The following SNAP23 variants were observed in gnomAD, a reference collection of about 807,000 sequenced individuals.
SNAP23 encodes synaptosome associated protein 23.
Under a neutral mutation model 29.0 loss-of-function variants are expected in SNAP23, and 11 were observed. That is an observed-to-expected ratio of 0.38 (90% CI 0.24 to 0.63). SNAP23 has a LOEUF of 0.63. Ranked by LOEUF, SNAP23 falls within the 20% of genes least tolerant of loss-of-function variation. The probability of loss-of-function intolerance (pLI) is 0.58; values close to 1 mark genes in which losing one functional copy is unlikely to be tolerated. For missense variants in SNAP23, 220 were observed against 253.9 expected (o/e 0.87, Z 0.91); for synonymous variants, 60 against 82.9 (o/e 0.72, Z 1.50).
chr15:42,516,113 A>G (rs1405043969), intron 5 of SNAP23, among the ~76,000 whole-genome samples: 1 of 152,244 alleles, frequency 6.6e-6, no homozygotes, highest in Non-Finnish European at 1.5e-5. Flanking sequence ...GGAGTGGAGT[A>G]TAAAAAGAAA....
At chr15:42,500,107 G>C (rs2057255808) in intron 1 of SNAP23, among the ~76,000 whole-genome samples, 1 of 152,022 alleles carries the variant, frequency 6.6e-6, no homozygotes, top group African/African-American at 2.4e-5. Flanking sequence ...TAACAAAAAG[G>C]AAAAAGAGGA....
chr15:42,513,699 A>G (rs2057375934), intron 4 of SNAP23, among the ~76,000 whole-genome samples: 1 of 152,194 alleles, frequency 6.6e-6, no homozygotes, highest in African/African-American at 2.4e-5. Context: ...TGTATTGGTT[A>G]TATGTGCCTT....
At chr15:42,496,883 G>C (rs1004058407) in intron 1 of SNAP23, among the ~76,000 whole-genome samples, 11 of 152,130 alleles carry the variant, frequency 7.2e-5, no homozygotes, top group African/African-American at 2.4e-4. Flanking sequence ...TGGCAGGAGA[G>C]AGACAGTGAA....
intron 1 of SNAP23, among the ~76,000 whole-genome samples, chr15:42,502,167 A>C (rs2057276894): frequency 6.6e-6 from 1 of 151,494 alleles, no homozygotes; most frequent in South Asian, 2.1e-4. Context: ...AGCTGGGACT[A>C]CAGGCGCCCA....
chr15:42,528,483 G>A (rs1358362277), intron 6 of SNAP23, 63 bp downstream of exon 6: 10 of 1,507,014 alleles, frequency 6.6e-6, no homozygotes, highest in Middle Eastern at 1.7e-4. Flanking sequence ...TAGGAGATGA[G>A]TTTAGCAGTA....
chr15:42,531,567 C>G lies in SNAP23; in HGVS notation c.*89C>G. The G allele has an allele frequency of 1.0e-6, 1 of 953,338 alleles. No individual in the cohort carries two copies. Among genetic ancestry groups the G allele is most frequent in the Non-Finnish European group, 1.6e-6 (1 of 623,006 alleles). 59.1% of individuals were successfully genotyped at this position (953,338 alleles called of 1,614,324 possible). The stretch of plus-strand genomic sequence containing the variant: ...TTTTCAGAGTTTAAGTTTTCGGTTC[C>G]ACGCTCTTCTAATTGGGAGATAATA... On this transcript the variant is annotated 3_prime_UTR_variant, in exon 8 of 8. Transcript: ENST00000249647.
At chr15:42,503,906 G>GA (rs955628791) in intron 1 of SNAP23, among the ~76,000 whole-genome samples, 1 of 151,950 alleles carries the variant, frequency 6.6e-6, no homozygotes, top group Non-Finnish European at 1.5e-5. Flanking sequence ...TTTAAAAAGA[G>GA]AAAAAAATAT....
intron 3 of SNAP23, 72 bp downstream of exon 3, chr15:42,513,068 T>C: frequency 9.1e-7 from 1 of 1,104,778 alleles, no homozygotes; most frequent in East Asian, 2.4e-5. Context: ...TGGCTGGAAT[T>C]AGTATTAAAG....
intron 7 of SNAP23, among the ~76,000 whole-genome samples, chr15:42,531,121 T>C (rs2057560776): frequency 6.6e-6 from 1 of 152,220 alleles, no homozygotes; most frequent in Non-Finnish European, 1.5e-5. Flanking sequence ...AAAAATGCCA[T>C]TGATTACAGG....
chr15:42,495,172 C>G (rs2057206067), upstream of SNAP23: 1 of 152,190 alleles, frequency 6.6e-6, no homozygotes, highest in Non-Finnish European at 1.5e-5. Flanking sequence ...GGGGGAACTC[C>G]TACTTATCCT....
At chr15:42,519,475 G>A (rs1237287045) in intron 5 of SNAP23, among the ~76,000 whole-genome samples, 1 of 151,070 alleles carries the variant, frequency 6.6e-6, no homozygotes, top group East Asian at 1.9e-4. Flanking sequence ...GGGTTCAATC[G>A]ATTCTCATGC....
At chr15:42,504,502 C>T (rs932399813) in intron 1 of SNAP23, among the ~76,000 whole-genome samples, 5 of 152,174 alleles carry the variant, frequency 3.3e-5, no homozygotes, top group South Asian at 4.1e-4. Flanking sequence ...GCTACATTTA[C>T]ATAAATGTGA....
upstream of SNAP23, chr15:42,495,505 A>C (rs1383379424): frequency 6.6e-6 from 1 of 152,246 alleles, no homozygotes; most frequent in Admixed American, 6.5e-5. Context: ...TAACTAGTGA[A>C]TTCCCAGACT....
intron 3 of SNAP23, 55 bp from the exon 4 acceptor site, chr15:42,513,344 T>C (rs535028743): frequency 6.7e-7 from 1 of 1,490,068 alleles, no homozygotes; most frequent in African/African-American, 1.4e-5. Context: ...AGGTTTTGTT[T>C]CTGTTGTTTT....
intron 5 of SNAP23, chr15:42,521,673 G>T (rs1567047409): frequency 7.6e-7 from 1 of 1,316,038 alleles, no homozygotes; most frequent in South Asian, 1.3e-5. Flanking sequence ...ATGCAGTCTT[G>T]TGGCGCAGTT....
intron 5 of SNAP23, among the ~76,000 whole-genome samples, chr15:42,517,066 T>C (rs983196988): frequency 6.6e-6 from 1 of 152,156 alleles, no homozygotes; most frequent in Non-Finnish European, 1.5e-5. Flanking sequence ...ATTACAAATA[T>C]GTGCCACCAT....
At chr15:42,530,536 G>A (rs1490901997) in intron 7 of SNAP23, among the ~76,000 whole-genome samples, 1 of 152,164 alleles carries the variant, frequency 6.6e-6, no homozygotes, top group African/African-American at 2.4e-5. Flanking sequence ...GAGGCAGGAG[G>A]ATTGCTTGAG....
intron 5 of SNAP23, among the ~76,000 whole-genome samples, chr15:42,525,108 C>G (rs995657431): frequency 5.3e-5 from 8 of 152,306 alleles, no homozygotes; most frequent in African/African-American, 1.9e-4. Context: ...TAGCTCACTT[C>G]TGTAATCCCA....
chr15:42,510,662 C>T (rs1490576870), intron 1 of SNAP23, among the ~76,000 whole-genome samples: 1 of 152,124 alleles, frequency 6.6e-6, no homozygotes, highest in African/African-American at 2.4e-5. Context: ...GTTAGAGATA[C>T]AAAGATAAAA....
Sources: gnomAD v4.1 joint callset for allele counts (sites outside exome capture counted in the v4.1 genomes callset) on GRCh38, gnomAD v4.1.1 for gene constraint, MANE v1.5 for transcripts, NCBI Gene and HGNC (gene_info 2026-07-23, HGNC 2026-07-21) for gene names.